Variants in DNAH17 observed in about 807,000 individuals in gnomAD.
DNAH17 encodes dynein axonemal heavy chain 17, also known as axonemal beta dynein heavy chain 17.
A neutral mutation model predicts 485.6 loss-of-function variants in DNAH17; 376 were observed. That is an observed-to-expected ratio of 0.77 (90% CI 0.71 to 0.84). The LOEUF is 0.84. Among genes scored for constraint, DNAH17 ranks in the 40% least tolerant of loss-of-function variants. The pLI, the probability that DNAH17 is intolerant of heterozygous loss-of-function variation, is 0.00. For missense variants in DNAH17, 6,370 were observed against 5,839.3 expected (o/e 1.09, Z -2.96); for synonymous variants, 3,031 against 2,405.9 (o/e 1.26, Z -7.60).
chr17:78,527,748 T>C (rs1322749755), intron 22 of DNAH17, among the ~76,000 whole-genome samples: 1 of 152,146 alleles, frequency 6.6e-6, no homozygotes, highest in Non-Finnish European at 1.5e-5. Flanking sequence ...TCCCCACACT[T>C]GGGTAAATAC....
chr17:78,555,070 AC>A (rs1023603293), intron 14 of DNAH17, among the ~76,000 whole-genome samples: 6 of 152,206 alleles, frequency 3.9e-5, no homozygotes, highest in Admixed American at 2.6e-4. Flanking sequence ...TAAATAGTGT[AC>A]TTCCACCCAT....
intron 54 of DNAH17, among the ~76,000 whole-genome samples, chr17:78,469,684 G>A (rs1250983090): frequency 1.3e-5 from 2 of 152,204 alleles, no homozygotes; most frequent in Non-Finnish European, 2.9e-5. Context: ...GTCCATCCAT[G>A]CATGAACAGG....
At chr17:78,426,821 C>T (rs1321929123) in intron 78 of DNAH17, 105 bp downstream of exon 78, 4 of 1,395,578 alleles carry the variant, frequency 2.9e-6, no homozygotes, top group Non-Finnish European at 3.0e-6. Flanking sequence ...GGAGCAGTAC[C>T]ATGCTGATCC....
intron 31 of DNAH17, 182 bp from the exon 32 acceptor site, chr17:78,503,193 T>TAATATTGA: frequency 2.4e-6 from 1 of 423,830 alleles, no homozygotes; most frequent in Non-Finnish European, 3.5e-6. Context: ...TTTTTTTTTT[T>TAATATTGA]TTTTAAGATG....
intron 55 of DNAH17, 48 bp downstream of exon 55, chr17:78,468,569 G>A (rs573345629): frequency 4.2e-5 from 67 of 1,581,382 alleles, no homozygotes; most frequent in Admixed American, 1.2e-4. Context: ...TGTAGGCCAC[G>A]GGCACCAAGC....
At chr17:78,451,389 G>C in intron 66 of DNAH17, 80 bp downstream of exon 66, 1 of 1,371,008 alleles carries the variant, frequency 7.3e-7, no homozygotes, top group Non-Finnish European at 9.9e-7. Context: ...GGCAGCCCTG[G>C]TCGGGGACCC....
intron 21 of DNAH17, 69 bp downstream of exon 21, chr17:78,530,274 A>T (rs2091195435): frequency 6.8e-7 from 1 of 1,474,008 alleles, no homozygotes; most frequent in Non-Finnish European, 9.0e-7. Context: ...CCACCCACTC[A>T]AGTGGAAGGC....
chr17:78,474,965 C>T (rs77383614), intron 54 of DNAH17, among the ~76,000 whole-genome samples: 8 of 76,736 alleles, frequency 1.0e-4, no homozygotes, highest in African/African-American at 8.8e-4. Flanking sequence ...ACCTCAGTCA[C>T]ATGGGCTGGA....
intron 68 of DNAH17, 164 bp downstream of exon 68, chr17:78,450,090 C>T: frequency 1.2e-6 from 1 of 812,176 alleles, no homozygotes; most frequent in Admixed American, 2.7e-5. Flanking sequence ...TGATGGGGGC[C>T]CCTGGCTCCC....
intron 32 of DNAH17, 74 bp from the exon 33 acceptor site, chr17:78,502,772 A>C: frequency 6.3e-7 from 1 of 1,591,980 alleles, no homozygotes; most frequent in East Asian, 2.2e-5. Flanking sequence ...ATTCCTGCTG[A>C]AAGCTTAGAT....
At chr17:78,461,771 C>A in intron 57 of DNAH17, 63 bp from the exon 58 acceptor site, 1 of 1,524,580 alleles carries the variant, frequency 6.6e-7, no homozygotes, top group Non-Finnish European at 8.8e-7. Flanking sequence ...CCGCCCTGCA[C>A]TGGGCAGACG....
At chr17:78,566,815 G>A (rs1463454858) in intron 10 of DNAH17, 85 bp from the exon 11 acceptor site, 3 of 1,318,704 alleles carry the variant, frequency 2.3e-6, no homozygotes, top group East Asian at 2.5e-5. Flanking sequence ...CCTGCTGAGA[G>A]GACTCGGGAC....
chr17:78,450,868 T>C, intron 66 of DNAH17, 22 bp from the exon 67 acceptor site: 1 of 1,612,370 alleles, frequency 6.2e-7, no homozygotes, highest in Non-Finnish European at 8.5e-7. Context: ...GGTGCAGGAG[T>C]CACTGCATTG....
rs1278227388 is a variant in DNAH17, at chr17:78,558,160, G to A, written c.2126C>T (p.Thr709Ile). 1 of 1,613,864 alleles carries A rather than the reference G, an allele frequency of 6.2e-7. No individual in the cohort carries two copies. Among genetic ancestry groups the A allele is most frequent in the South Asian group, 1.1e-5 (1 of 91,022 alleles). ...SAESLFSENETFRKFVGNLEL... is the reference protein window; with the variant it reads ...SAESLFSENEIFRKFVGNLEL... ...CAGGTTGCCCACAAACTTCCGGAAAGTTTCGTTCTCTGAGAACAGACTCTC... is the reference window on the plus strand; with the variant it reads ...CAGGTTGCCCACAAACTTCCGGAAAATTTCGTTCTCTGAGAACAGACTCTC... The change falls in exon 14 of 81, where the codon ACT (threonine) becomes ATT (isoleucine). Residue 709 changes from threonine to isoleucine, a missense_variant. By Grantham distance (89) the Thr-to-Ile change is moderately conservative (BLOSUM62 -1). Transcript: ENST00000389840.
chr17:78,447,582 T>C (rs1479004599), intron 69 of DNAH17, among the ~76,000 whole-genome samples: 2 of 152,230 alleles, frequency 1.3e-5, no homozygotes, highest in African/African-American at 2.4e-5. Flanking sequence ...CTGGACTCTT[T>C]CTTTTGGTCA....
Position 78,571,670 on chromosome 17 carries a change from C to A in DNAH17, c.652G>T (p.Asp218Tyr), listed in dbSNP as rs2092360316. The A allele has an allele frequency of 1.9e-6, 3 of 1,613,896 alleles. No individual in the cohort carries two copies. Among genetic ancestry groups the A allele is most frequent in the Non-Finnish European group, 2.5e-6 (3 of 1,179,892 alleles). ...LSKDSAQALL[D>Y]GLHPLPQVEF... is the part of the protein sequence containing the mutation. The stretch of plus-strand genomic sequence containing the variant: ...ACTTGGGGCAGGGGGTGCAGCCCAT[C>A]CAGCAGCGCCTGGGCTGAGTCTTTG... Residue 218 changes from aspartate to tyrosine, a missense_variant, in exon 4 of 81, where the codon GAT becomes TAT. By Grantham distance (160) the Asp-to-Tyr change is radical. Coordinates refer to ENST00000389840, the MANE Select transcript of DNAH17 (RefSeq NM_173628.4).
chr17:78,551,516 T>C lies in DNAH17; in HGVS notation c.2391+19A>G, dbSNP rs757721253. 6.2e-7 allele frequency: 1 copy of C among 1,611,802 alleles called. No individual in the cohort carries two copies. The highest frequency in any genetic ancestry group is 1.7e-5 in the Admixed American group (1 of 60,024). ...CAGGCCCCCACAAAGCCCCACTCTG[T>C]GCTCTGCCCCTTGCTTACCTTCATA... On this transcript the variant is annotated intron_variant, in intron 16 of 80. Transcript: ENST00000389840.
At chr17:78,430,183 G>C (rs961459971) in intron 75 of DNAH17, among the ~76,000 whole-genome samples, 1 of 152,206 alleles carries the variant, frequency 6.6e-6, no homozygotes, top group African/African-American at 2.4e-5. Flanking sequence ...GCCCGTTTTG[G>C]AGCCTCTTTC....
rs769692255 is a variant in DNAH17, at chr17:78,454,599, G to A, written c.10277C>T (p.Thr3426Ile). 6.2e-7 allele frequency: 1 copy of A among 1,612,980 alleles called. No individual in the cohort carries two copies. The highest frequency in any genetic ancestry group is 2.2e-5 in the East Asian group (1 of 44,864). The change falls in exon 64 of 81, where the codon ACC becomes ATC. Residue 3426 changes from threonine (T) to isoleucine (I), a missense_variant. Transcript: ENST00000389840. ...GTTGCCCAGGATGGTGGCATTCTCG[G>A]TGGACATGCGGTCGCTGGGGAGGCC... is the stretch of plus-strand genomic sequence containing the variant. Reference protein sequence around the residue: ...NQGLPSDRMSTENATILGNTE... With the variant: ...NQGLPSDRMSIENATILGNTE...
Sources: allele counts gnomAD v4.1 joint callset (sites outside exome capture counted in the v4.1 genomes callset), GRCh38; gene constraint gnomAD v4.1.1; transcripts MANE v1.5; gene names NCBI Gene and HGNC (gene_info 2026-07-23, HGNC 2026-07-21).